CPZ: variants seen among roughly 807,000 people sequenced by gnomAD.
CPZ encodes the protein carboxypeptidase Z.
In CPZ, 103 loss-of-function variants were observed where a neutral mutation model predicts 61.8. The observed-to-expected ratio is 1.67, with a 90% CI of 1.42 to 1.96. The LOEUF (loss-of-function observed/expected upper bound fraction) is 1.96. Ranked by LOEUF, CPZ falls within the 30% of genes most tolerant of loss-of-function variation. CPZ has a pLI of 0.00. For synonymous variants in CPZ, 551 were observed against 373.7 expected (o/e 1.47, Z -5.47); for missense variants, 1,461 against 914.9 (o/e 1.60, Z -7.70).
intron 1 of CPZ, among the ~76,000 whole-genome samples, chr4:8,594,926 C>T (rs73088276): frequency 0.048 from 7,274 of 152,182 alleles, 547 homozygotes; most frequent in African/African-American, 0.16. Context: ...GCATCTGCCA[C>T]CGCGCCCAAC....
rs9715418 is a variant in CPZ, at chr4:8,617,537, A to G, written c.1504-892A>G. On this transcript the variant is annotated intron_variant, in intron 9 of 10. Transcript: ENST00000360986. ...AATATATAGGAAAACAGTCTCTCCAACCTAAAATGTTTTGCTTTTATCCTG... is the reference window on the plus strand; with the variant it reads ...AATATATAGGAAAACAGTCTCTCCAGCCTAAAATGTTTTGCTTTTATCCTG... Among the ~76,000 whole-genome samples, 752 of 152,336 alleles carry G rather than the reference A, an allele frequency of 4.9e-3. 5 individuals are homozygous for G. The highest frequency in any genetic ancestry group is 0.017 in the African/African-American group (710 of 41,582).
intron 7 of CPZ, among the ~76,000 whole-genome samples, chr4:8,611,765 A>T (rs1424843535): frequency 6.6e-6 from 1 of 151,916 alleles, no homozygotes; most frequent in Admixed American, 6.6e-5. Context: ...AGGTGTGCAG[A>T]GTCTCGGTGA....
chr4:8,599,822 C>T (rs182773750), intron 2 of CPZ: 198 of 322,342 alleles, frequency 6.1e-4, no homozygotes, highest in Middle Eastern at 2.9e-3. Context: ...GGCTCTGTGC[C>T]GGGCCCCTGC....
Position 8,601,453 on chromosome 4 carries a change from C to G in CPZ, c.452C>G (p.Thr151Arg), listed in dbSNP as rs148934306. 3.3e-6 allele frequency: 5 copies of G among 1,528,816 alleles called. No homozygotes were observed. The highest frequency in any genetic ancestry group is 1.7e-4 in the Middle Eastern group (1 of 5,834). 94.7% of individuals were successfully genotyped at this position (1,528,816 alleles called of 1,614,324 possible). ...TTCCTTGACTGCCACCGCTACTTCA[C>G]GAGAGAGGACGAGGGCTGCTATGAC... The part of the protein sequence containing the change: ...PYFLDCHRYF[T>R]REDEGCYDPL... Residue 151 changes from threonine (T) to arginine (R), a missense_variant, in exon 3 of 11, where the codon ACG becomes AGG. By Grantham distance (71) the Thr-to-Arg change is moderately conservative. Coordinates refer to ENST00000360986, the MANE Select transcript of CPZ (RefSeq NM_001014447.3).
chr4:8,600,169 G>A (rs768536556), intron 2 of CPZ, among the ~76,000 whole-genome samples: 2 of 151,990 alleles, frequency 1.3e-5, no homozygotes, highest in African/African-American at 4.8e-5. Context: ...AGAGATGGAG[G>A]TCTTGCTGTG....
At chr4:8,616,825 G>A (rs563451493) in intron 9 of CPZ, among the ~76,000 whole-genome samples, 9 of 152,204 alleles carry the variant, frequency 5.9e-5, no homozygotes, top group Admixed American at 1.3e-4. Flanking sequence ...TCAGGAGTGC[G>A]GTTCCATTAA....
chr4:8,618,777 T>C (rs1716430036), intron 10 of CPZ, among the ~76,000 whole-genome samples: 2 of 152,182 alleles, frequency 1.3e-5, no homozygotes, highest in African/African-American at 4.8e-5. Flanking sequence ...TCTGTATTCC[T>C]AGGAAAATGC....
At chr4:8,594,841 C>T (rs900826462) in intron 1 of CPZ, among the ~76,000 whole-genome samples, 1 of 151,292 alleles carries the variant, frequency 6.6e-6, no homozygotes. Context: ...TGCGCAATCT[C>T]AGCTCACTGC....
chr4:8,603,962 C>A lies in CPZ; in HGVS notation c.497-14C>A, dbSNP rs374394263. On this transcript the variant is annotated splice_polypyrimidine_tract_variant and intron_variant, in intron 3 of 10. Transcript: ENST00000360986. Reference sequence around the variant, plus strand: ...GGGCCTGACACTGACTGAGCCCCCCCACTGCTCCCCCAGGAGGCCTGGAGG... The same window carrying A: ...GGGCCTGACACTGACTGAGCCCCCCAACTGCTCCCCCAGGAGGCCTGGAGG... The A allele has an allele frequency of 2.0e-5, 33 of 1,610,414 alleles. No individual in the cohort carries two copies. The highest frequency in any genetic ancestry group is 1.7e-4 in the African/African-American group (13 of 74,912).
intron 3 of CPZ, 132 bp downstream of exon 3, chr4:8,601,629 C>G: frequency 9.8e-7 from 1 of 1,023,688 alleles, no homozygotes; most frequent in Non-Finnish European, 1.3e-6. Flanking sequence ...GAGGGCGGGG[C>G]TGCTCCCCGA....
In CPZ at chr4:8,592,896, G is replaced by A. The variant is rs1313073941; in HGVS notation, c.63G>A (p.Gly21=). ...TVLVVAAARP[G]CEFERNPAGE... ...TGGTCGTCGCCGCTGCCCGGCCGGG[G>A]TGCGAGTTTGAGCGGAACCCCGCCG... The change falls in exon 1 of 11, where the codon GGG becomes GGA. Residue 21 remains glycine (G), a synonymous_variant. Transcript: ENST00000360986. 5.9e-6 allele frequency: 9 copies of A among 1,535,208 alleles called. No homozygotes were observed. In the East Asian group the frequency reaches 1.2e-4, roughly 21 times the overall value.
At chr4:8,604,275 T>C in intron 4 of CPZ, 87 bp downstream of exon 4, 1 of 1,313,018 alleles carries the variant, frequency 7.6e-7, no homozygotes, top group Non-Finnish European at 1.0e-6. Flanking sequence ...GTTGGTGGGG[T>C]GTTTGGGGTC....
intron 1 of CPZ, among the ~76,000 whole-genome samples, chr4:8,596,760 A>G (rs1714212931): frequency 6.6e-6 from 1 of 152,160 alleles, no homozygotes; most frequent in Middle Eastern, 3.2e-3. Context: ...AAGCCACAGG[A>G]AGCCAGGAAG....
rs190477748 is a variant in CPZ at position 8,601,971 on chromosome 4, G to A, written c.496+474G>A. On this transcript the variant is annotated intron_variant, in intron 3 of 10. Transcript: ENST00000360986. Reference sequence around the variant, plus strand: ...GGAGGTCTGGCGGGCAAAGCTTCACGATTGCTCATCGCTGGGCCTGGAAGA... The same window carrying A: ...GGAGGTCTGGCGGGCAAAGCTTCACAATTGCTCATCGCTGGGCCTGGAAGA... 182 of 155,412 alleles carry A rather than the reference G, an allele frequency of 1.2e-3. 7 individuals carry two copies. In the East Asian group the frequency reaches 0.028, roughly 24 times the overall value. The allele number at this position is 155,412 out of a possible 1,614,324, so 9.6% of individuals were successfully genotyped here.
At chr4:8,611,135 A>C in intron 7 of CPZ, 1 of 433,020 alleles carries the variant, frequency 2.3e-6, no homozygotes, top group Non-Finnish European at 4.8e-6. Flanking sequence ...TCCACCCTCT[A>C]GTGTCCTCCA....
rs772943868 is a variant in CPZ at position 8,606,713 on chromosome 4, G to T, written c.907-24G>T. 5 of 1,613,976 alleles carry T rather than the reference G, an allele frequency of 3.1e-6. No individual in the cohort carries two copies. The South Asian group carries it at 4.4e-5, about 14-fold the overall frequency. On this transcript the variant is annotated intron_variant, in intron 5 of 10. Coordinates refer to ENST00000360986, the MANE Select transcript of CPZ (RefSeq NM_001014447.3). Reference sequence around the variant, plus strand: ...GGGTGGGGTGTGCTGACCCCACCCAGTCGGGGGTTGGCCATGTTTTCAGGG... The same window carrying T: ...GGGTGGGGTGTGCTGACCCCACCCATTCGGGGGTTGGCCATGTTTTCAGGG...
rs4696861 is a variant in CPZ, at chr4:8,609,227, C to T, written c.1227+1802C>T. Among the ~76,000 whole-genome samples, 764 of 150,366 alleles carry T rather than the reference C, an allele frequency of 5.1e-3. 5 individuals are homozygous for T. Among genetic ancestry groups the T allele is most frequent in the African/African-American group, 0.012 (475 of 40,898 alleles). ...ACTCACTTACTCATTCACTTACTCA[C>T]TCATTGTCACTCATTCACTCATCAC... On this transcript the variant is annotated intron_variant, in intron 7 of 10. Coordinates refer to ENST00000360986, the MANE Select transcript of CPZ (RefSeq NM_001014447.3).
At chr4:8,597,472 G>A (rs3796738) in intron 1 of CPZ, 109,048 of 152,040 alleles carry the variant, frequency 0.72, 39,672 homozygotes, top group Admixed American at 0.82. Flanking sequence ...GTCACGTGAG[G>A]GTGCCAGGGA....
At chr4:8,617,886 C>T (rs567473008) in intron 9 of CPZ, among the ~76,000 whole-genome samples, 23 of 152,248 alleles carry the variant, frequency 1.5e-4, no homozygotes, top group African/African-American at 5.3e-4. Flanking sequence ...GAGCTGTGGG[C>T]GTGCAGGGAG....
Sources: gnomAD v4.1 joint callset for allele counts (sites outside exome capture counted in the v4.1 genomes callset) on GRCh38, gnomAD v4.1.1 for gene constraint, MANE v1.5 for transcripts, NCBI Gene and HGNC (gene_info 2026-07-23, HGNC 2026-07-21) for gene names.